DOCK5: variants seen among roughly 807,000 people sequenced by gnomAD.
DOCK5 encodes dedicator of cytokinesis protein 5.
In DOCK5, 142 loss-of-function variants were observed where a neutral mutation model predicts 251.8. The ratio of observed to expected loss-of-function variants is 0.56; its 90% CI spans 0.49 to 0.65. DOCK5 has a LOEUF of 0.65. Ranked by LOEUF, DOCK5 falls within the 30% of genes least tolerant of loss-of-function variation. The pLI is 0.00. For missense variants in DOCK5, 2,111 were observed against 2,312.3 expected (o/e 0.91, Z 1.79); for synonymous variants, 842 against 835.5 (o/e 1.01, Z -0.13).
chr8:25,383,143 C>G (rs893141137), intron 40 of DOCK5, among the ~76,000 whole-genome samples: 3 of 152,286 alleles, frequency 2.0e-5, no homozygotes, highest in African/African-American at 7.2e-5. Flanking sequence ...AAGAACCAGA[C>G]TGCAGGAGTA....
chr8:25,332,241 T>C lies in DOCK5; in HGVS notation c.1904-10T>C, dbSNP rs376014400. On this transcript the variant is annotated splice_polypyrimidine_tract_variant and intron_variant, in intron 18 of 51. Transcript: ENST00000276440. ...CACCTGTATCTAATGTTTGTGGTTG[T>C]TCTTCCTAGTTGACCTGTTAGGCTT... is the stretch of plus-strand genomic sequence containing the variant. 209 of 1,609,638 alleles carry C rather than the reference T, an allele frequency of 1.3e-4. 1 individual carries two copies. The South Asian group carries it at 2.1e-3, about 16-fold the overall frequency.
chr8:25,400,003 C>A lies in DOCK5; in HGVS notation c.4788+9C>A, dbSNP rs80257669. 1 of 1,611,388 alleles carries A rather than the reference C, an allele frequency of 6.2e-7. No individual in the cohort carries two copies. The highest frequency in any genetic ancestry group is 8.5e-7 in the Non-Finnish European group (1 of 1,178,212). On this transcript the variant is annotated intron_variant, in intron 46 of 51. Coordinates refer to ENST00000276440, the MANE Select transcript of DOCK5 (RefSeq NM_024940.8). ...GACTAATAGCATTACAGGTACAGGACGGCTTTCCTCTACACTCCCAGGGAG... is the reference window on the plus strand; with the variant it reads ...GACTAATAGCATTACAGGTACAGGAAGGCTTTCCTCTACACTCCCAGGGAG...
rs761779364 is a variant in DOCK5 at position 25,300,590 on chromosome 8, T to G, written c.779T>G (p.Ile260Ser). 2 of 1,613,146 alleles carry G rather than the reference T, an allele frequency of 1.2e-6. No homozygotes were observed. Among genetic ancestry groups the G allele is most frequent in the African/African-American group, 2.7e-5 (2 of 75,034 alleles). Residue 260 changes from isoleucine to serine, a missense_variant, in exon 9 of 52, where the codon ATT (isoleucine) becomes AGT (serine). Transcript: ENST00000276440. ...QSTFISENYL[I>S]RWGSNGMPKE... The stretch of plus-strand genomic sequence containing the variant: ...TCCTTTGCCAGTGAGAACTATCTAA[T>G]TCGTTGGGGCAGTAACGGGATGCCC...
chr8:25,379,076 G>A (rs766331721), intron 38 of DOCK5, among the ~76,000 whole-genome samples: 18 of 152,168 alleles, frequency 1.2e-4, no homozygotes, highest in Non-Finnish European at 2.4e-4. Flanking sequence ...TGAGGAAACA[G>A]GACAAAGGGC....
At chr8:25,376,343 C>T (rs1449265583) in intron 37 of DOCK5, 1 of 985,216 alleles carries the variant, frequency 1.0e-6, no homozygotes, top group Non-Finnish European at 1.2e-6. Flanking sequence ...AAGTATAGTT[C>T]ACATTTTGCT....
chr8:25,189,203 T>A (rs536512395), intron 1 of DOCK5, among the ~76,000 whole-genome samples: 1 of 152,220 alleles, frequency 6.6e-6, no homozygotes, highest in South Asian at 2.1e-4. Context: ...TTTGATTTTT[T>A]AAGTTTTAAA....
At chr8:25,231,443 T>C (rs2117520111) in intron 1 of DOCK5, among the ~76,000 whole-genome samples, 1 of 152,296 alleles carries the variant, frequency 6.6e-6, no homozygotes, top group East Asian at 1.9e-4. Context: ...TGGGAAGAAA[T>C]GCACTTTTTA....
At chr8:25,277,498 G>A (rs1428488050) in intron 4 of DOCK5, 1 of 151,784 alleles carries the variant, frequency 6.6e-6, no homozygotes, top group Non-Finnish European at 1.5e-5. Flanking sequence ...CCCAGATACA[G>A]CACAGGGAAC....
At chr8:25,251,985 T>C (rs1200923188) in intron 2 of DOCK5, among the ~76,000 whole-genome samples, 1 of 88,672 alleles carries the variant, frequency 1.1e-5, no homozygotes, top group African/African-American at 4.8e-5. Flanking sequence ...ACAGCAAGAC[T>C]CTATCTCAAA....
intron 1 of DOCK5, among the ~76,000 whole-genome samples, chr8:25,190,941 G>A (rs890764992): frequency 2.0e-5 from 3 of 151,680 alleles, no homozygotes; most frequent in Admixed American, 6.6e-5. Context: ...CCGCCACTGC[G>A]CCAGGCTAAT....
chr8:25,311,179 A>T (rs2070579500), intron 13 of DOCK5, among the ~76,000 whole-genome samples: 1 of 152,188 alleles, frequency 6.6e-6, no homozygotes. Context: ...TACTAAGAAA[A>T]GGGAATTGGT....
chr8:25,387,002 A>G (rs922385194), intron 40 of DOCK5, among the ~76,000 whole-genome samples: 2 of 152,220 alleles, frequency 1.3e-5, no homozygotes, highest in Non-Finnish European at 2.9e-5. Flanking sequence ...CCTCAAAGGC[A>G]TACTGTAGAA....
In DOCK5 at chr8:25,209,721, A is replaced by G. The variant is rs960676034; in HGVS notation, c.43+24770A>G. 9.5e-4 allele frequency among the ~76,000 whole-genome samples: 65 copies of G among 68,272 alleles called. 17 individuals are homozygous for G. Among genetic ancestry groups the G allele is most frequent in the African/African-American group, 2.1e-3 (63 of 29,876 alleles). 44.8% of individuals were successfully genotyped at this position (68,272 alleles called of 152,430 possible). A position where few individuals can be genotyped will look rare whatever the true frequency, so the allele number is the denominator to read the frequency against. On this transcript the variant is annotated intron_variant, in intron 1 of 51. Transcript: ENST00000276440. ...TCTGAACTTTTTTTGTATCTCTACA[A>G]TTGCATTTTTCTGAGACTTTGGATC... is the stretch of plus-strand genomic sequence containing the variant.
Position 25,239,690 on chromosome 8 carries a change from G to A in DOCK5, c.44-3984G>A, listed in dbSNP as rs559587685. 7.2e-5 allele frequency among the ~76,000 whole-genome samples: 11 copies of A among 152,222 alleles called. No individual in the cohort carries two copies. In the South Asian group the frequency reaches 8.3e-4, roughly 11 times the overall value. Reference sequence around the variant, plus strand: ...AGTTGAACTCCACTGGAATAGCAGCGGTGGCCCAGTTACCCATGAGAAAGT... The same window carrying A: ...AGTTGAACTCCACTGGAATAGCAGCAGTGGCCCAGTTACCCATGAGAAAGT... On this transcript the variant is annotated intron_variant, in intron 1 of 51. Coordinates refer to ENST00000276440, the MANE Select transcript of DOCK5 (RefSeq NM_024940.8).
intron 3 of DOCK5, among the ~76,000 whole-genome samples, chr8:25,272,401 A>T (rs1219442999): frequency 6.6e-6 from 1 of 152,230 alleles, no homozygotes; most frequent in Non-Finnish European, 1.5e-5. Flanking sequence ...TGATCTGCTT[A>T]GATGTCACAA....
intron 19 of DOCK5, 111 bp from the exon 20 acceptor site, chr8:25,332,492 T>A (rs1009077335): frequency 1.7e-5 from 20 of 1,211,050 alleles, no homozygotes; most frequent in Admixed American, 5.5e-5. Context: ...GCTAGTTTTT[T>A]AAAAAATGCT....
chr8:25,408,205 C>T (rs1322121938), intron 49 of DOCK5, 51 bp downstream of exon 49: 5 of 1,511,990 alleles, frequency 3.3e-6, no homozygotes, highest in African/African-American at 2.8e-5. Context: ...GCCCCCCTCT[C>T]CCCTGTACCC....
Position 25,315,208 on chromosome 8 carries a change from A to G in DOCK5, c.1319-1799A>G, listed in dbSNP as rs145959933. Among the ~76,000 whole-genome samples, 83 of 146,752 alleles carry G rather than the reference A, an allele frequency of 5.7e-4. No individual in the cohort carries two copies. The East Asian group carries it at 0.015, about 27-fold the overall frequency. ...TGTCTCTGCAGCCTCATCTCACACC[A>G]GACACCCCCTCACTGTGAGGATGTC... On this transcript the variant is annotated intron_variant, in intron 13 of 51. Coordinates refer to ENST00000276440, the MANE Select transcript of DOCK5 (RefSeq NM_024940.8).
At chr8:25,380,986 T>C (rs572770207) in intron 39 of DOCK5, among the ~76,000 whole-genome samples, 1 of 151,846 alleles carries the variant, frequency 6.6e-6, no homozygotes, top group South Asian at 2.1e-4. Context: ...GCCACCATTC[T>C]AAATGCCCCA....
Sources: gnomAD v4.1 joint callset for allele counts (sites outside exome capture counted in the v4.1 genomes callset) on GRCh38, gnomAD v4.1.1 for gene constraint, MANE v1.5 for transcripts, NCBI Gene and HGNC (gene_info 2026-07-23, HGNC 2026-07-21) for gene names.